Variants in DGKB observed in about 807,000 individuals in gnomAD.
The protein encoded by DGKB is 90 kDa diacylglycerol kinase.
A neutral mutation model predicts 114.3 loss-of-function variants in DGKB; 67 were observed. That is an observed-to-expected ratio of 0.59 (90% CI 0.48 to 0.72). The LOEUF (loss-of-function observed/expected upper bound fraction) is 0.72, where lower values mean the gene tolerates loss of function less well. DGKB is among the 30% of genes least tolerant of loss of function. The pLI, the probability that DGKB is intolerant of heterozygous loss-of-function variation, is 0.00. For synonymous variants in DGKB, 398 were observed against 323.1 expected, an observed-to-expected ratio of 1.23 and a Z score of -2.49; for missense variants, 907 against 975.2, an observed-to-expected ratio of 0.93 and a Z score of 0.93.
chr7:14,561,038 G>C (rs1796583912), intron 20 of DGKB, among the ~76,000 whole-genome samples: 1 of 152,134 alleles, frequency 6.6e-6, no homozygotes, highest in African/African-American at 2.4e-5. Context: ...TTTGTAGCTA[G>C]GTGATACGGT....
At chr7:14,557,075 C>A (rs1362140417) in intron 20 of DGKB, among the ~76,000 whole-genome samples, 1 of 152,072 alleles carries the variant, frequency 6.6e-6, no homozygotes, top group Non-Finnish European at 1.5e-5. Context: ...AAATTCTCAG[C>A]CCCCGTCCCC....
intron 23 of DGKB, among the ~76,000 whole-genome samples, chr7:14,200,070 T>C (rs1182718566): frequency 6.6e-6 from 1 of 152,022 alleles, no homozygotes; most frequent in African/African-American, 2.4e-5. Context: ...GAGGCCAACA[T>C]GCCACTGCAT....
chr7:14,419,241 GTAAT>G (rs1385556837), intron 21 of DGKB, among the ~76,000 whole-genome samples: 2 of 151,932 alleles, frequency 1.3e-5, no homozygotes, highest in Non-Finnish European at 2.9e-5. Flanking sequence ...GAGTGAGAAA[GTAAT>G]TGAGTGAATT....
intron 1 of DGKB, among the ~76,000 whole-genome samples, chr7:14,919,334 T>A (rs1409590108): frequency 2.0e-5 from 3 of 152,168 alleles, no homozygotes; most frequent in South Asian, 4.1e-4. Context: ...AGTCAACTGA[T>A]GATATTTGAG....
At chr7:14,762,578 C>A (rs940033610) in intron 2 of DGKB, among the ~76,000 whole-genome samples, 1 of 152,222 alleles carries the variant, frequency 6.6e-6, no homozygotes, top group South Asian at 2.1e-4. Flanking sequence ...AAAAGTACTA[C>A]ATGAAAAATG....
At position 14,329,969 on chromosome 7, in the gene DGKB, A is replaced by G. The variant is rs577773528; in HGVS notation, c.2122+8546T>C. Among the ~76,000 whole-genome samples, 9 of 152,124 alleles carry G rather than the reference A, an allele frequency of 5.9e-5. No homozygotes were observed. In the South Asian group the frequency reaches 1.7e-3, roughly 28 times the overall value. On this transcript the variant is annotated intron_variant, in intron 23 of 25. Coordinates refer to ENST00000402815, the MANE Select transcript of DGKB (RefSeq NM_001350709.2). ...TGCCACTATTTTCAATAGACAGAGG[A>G]CTGGACAACTGTGCCACAGAAACAA... is the stretch of plus-strand genomic sequence containing the variant.
chr7:14,684,564 G>A (rs1336953627), intron 10 of DGKB, among the ~76,000 whole-genome samples: 3 of 152,094 alleles, frequency 2.0e-5, no homozygotes, highest in African/African-American at 7.2e-5. Flanking sequence ...TAAACTAACT[G>A]TTATATACAC....
At chr7:14,502,997 T>C (rs1454179443) in intron 20 of DGKB, among the ~76,000 whole-genome samples, 1 of 152,102 alleles carries the variant, frequency 6.6e-6, no homozygotes, top group Non-Finnish European at 1.5e-5. Context: ...AGCTTAACAT[T>C]TGAGAGGACT....
At chr7:14,387,488 C>T (rs905553946) in intron 21 of DGKB, among the ~76,000 whole-genome samples, 1 of 151,736 alleles carries the variant, frequency 6.6e-6, no homozygotes. Flanking sequence ...TCTGGGTTCA[C>T]TGAAGCCTCA....
At chr7:14,866,861 T>C (rs1201525579) in intron 1 of DGKB, among the ~76,000 whole-genome samples, 2 of 152,078 alleles carry the variant, frequency 1.3e-5, no homozygotes, top group Admixed American at 1.3e-4. Context: ...TGAGTGAGAG[T>C]TCCAGTTTCT....
intron 1 of DGKB, among the ~76,000 whole-genome samples, chr7:14,899,381 A>G (rs1160626190): frequency 2.0e-5 from 3 of 152,146 alleles, no homozygotes; most frequent in African/African-American, 4.8e-5. Flanking sequence ...TAATTTTTAT[A>G]ATAAGACTTT....
chr7:14,688,254 AT>A (rs1822067560), intron 9 of DGKB, among the ~76,000 whole-genome samples: 1 of 152,160 alleles, frequency 6.6e-6, no homozygotes, highest in Non-Finnish European at 1.5e-5. Context: ...AAGGGAATTT[AT>A]TTTTTATAAA....
At chr7:14,241,847 A>G (rs38293) in intron 23 of DGKB, among the ~76,000 whole-genome samples, 14 of 152,132 alleles carry the variant, frequency 9.2e-5, no homozygotes, top group Middle Eastern at 3.4e-3. Context: ...ATAAGAAAAT[A>G]TCTCACAATA....
chr7:14,687,871 T>A (rs1202635122), intron 9 of DGKB, among the ~76,000 whole-genome samples: 1 of 152,190 alleles, frequency 6.6e-6, no homozygotes, highest in African/African-American at 2.4e-5. Flanking sequence ...TGAACGTGGG[T>A]GTTCTGTCAA....
chr7:14,596,737 A>G (rs1022166184), intron 17 of DGKB, among the ~76,000 whole-genome samples: 3 of 152,148 alleles, frequency 2.0e-5, no homozygotes, highest in African/African-American at 7.2e-5. Context: ...TTATTTTTCC[A>G]TATAGATGCC....
chr7:14,640,614 G>T (rs1371414391), intron 13 of DGKB, among the ~76,000 whole-genome samples: 1 of 152,168 alleles, frequency 6.6e-6, no homozygotes, highest in East Asian at 1.9e-4. Context: ...TCCACATAAA[G>T]GGGAACATGG....
At chr7:14,663,161 C>A (rs1260057898) in intron 13 of DGKB, among the ~76,000 whole-genome samples, 1 of 151,920 alleles carries the variant, frequency 6.6e-6, no homozygotes, top group African/African-American at 2.4e-5. Context: ...GGTAACTGAA[C>A]CAATTTACTC....
At chr7:14,553,699 A>G (rs1486299238) in intron 20 of DGKB, among the ~76,000 whole-genome samples, 1 of 152,158 alleles carries the variant, frequency 6.6e-6, no homozygotes, top group African/African-American at 2.4e-5. Flanking sequence ...GAATAATGCT[A>G]TGAAACTTTA....
chr7:14,648,073 C>G (rs1813503975), intron 13 of DGKB, among the ~76,000 whole-genome samples: 1 of 152,180 alleles, frequency 6.6e-6, no homozygotes, highest in Admixed American at 6.5e-5. Context: ...GGGGGAGGGG[C>G]GCCCACCATT....
Sources: gnomAD v4.1 joint callset for allele counts (sites outside exome capture counted in the v4.1 genomes callset) on GRCh38, gnomAD v4.1.1 for gene constraint, MANE v1.5 for transcripts, NCBI Gene and HGNC (gene_info 2026-07-23, HGNC 2026-07-21) for gene names.